GARNL3: variants seen among roughly 807,000 people sequenced by gnomAD.
GARNL3 encodes the protein GTPase-activating Rap/Ran-GAP domain-like protein 3.
GARNL3 carries 63 observed loss-of-function variants against 125.0 expected under a neutral mutation model. The ratio of observed to expected loss-of-function variants is 0.50; its 90% CI spans 0.41 to 0.62. The LOEUF is 0.62. Among genes scored for constraint, GARNL3 ranks in the 20% least tolerant of loss-of-function variants. The pLI, the probability that GARNL3 is intolerant of heterozygous loss-of-function variation, is 0.00. For missense variants in GARNL3, 994 were observed against 1,244.0 expected (o/e 0.80, Z 3.02); for synonymous variants, 439 against 457.5 (o/e 0.96, Z 0.52).
chr9:127,357,211 C>T lies in GARNL3; in HGVS notation c.1936-8C>T. On this transcript the variant is annotated splice_polypyrimidine_tract_variant and splice_region_variant and intron_variant, in intron 20 of 27. Transcript: ENST00000373387. ...CCCCTGTCTCTTGTATCCTCACCAA[C>T]CACACAGGAGATCTGTCTGTCTGAC... 6.2e-7 allele frequency: 1 copy of T among 1,613,980 alleles called. No individual in the cohort carries two copies. The highest frequency in any genetic ancestry group is 8.5e-7 in the Non-Finnish European group (1 of 1,179,880).
intron 22 of GARNL3, among the ~76,000 whole-genome samples, chr9:127,374,476 T>C (rs10819281): frequency 0.51 from 76,995 of 152,004 alleles, 20,205 homozygotes; most frequent in East Asian, 0.73. Context: ...AGATATTGCA[T>C]CAAAAGCATA....
At chr9:127,355,574 T>G (rs901070344) in intron 20 of GARNL3, 102 bp downstream of exon 20, 1 of 1,086,280 alleles carries the variant, frequency 9.2e-7, no homozygotes, top group African/African-American at 1.6e-5. Context: ...TGTCCCACTG[T>G]TTAGTAGCCA....
intron 2 of GARNL3, among the ~76,000 whole-genome samples, chr9:127,248,391 G>A (rs2063339285): frequency 6.6e-6 from 1 of 152,070 alleles, no homozygotes; most frequent in Non-Finnish European, 1.5e-5. Context: ...TTCCCCTGTT[G>A]AAATAGTCCT....
intron 22 of GARNL3, among the ~76,000 whole-genome samples, chr9:127,371,753 A>G (rs1423559096): frequency 6.6e-6 from 1 of 152,250 alleles, no homozygotes; most frequent in Admixed American, 6.5e-5. Flanking sequence ...AATGTGTTAT[A>G]TATTTTGTTA....
At position 127,393,319 on chromosome 9, in the gene GARNL3, T is replaced by G; in HGVS notation, c.*65T>G. 2 of 1,438,310 alleles carry G rather than the reference T, an allele frequency of 1.4e-6. No homozygotes were observed. The highest frequency in any genetic ancestry group is 1.9e-6 in the Non-Finnish European group (2 of 1,046,150). The allele number at this position is 1,438,310 out of a possible 1,614,324, so 89.1% of individuals were successfully genotyped here. ...GAGGTTTATACTCTTTAAACAGTTCTGATGTAATTTCTCAACAAAATGTGG... is the reference window on the plus strand; with the variant it reads ...GAGGTTTATACTCTTTAAACAGTTCGGATGTAATTTCTCAACAAAATGTGG... On this transcript the variant is annotated 3_prime_UTR_variant, in exon 28 of 28. Transcript: ENST00000373387.
chr9:127,282,868 T>C (rs552131784), intron 1 of GARNL3, among the ~76,000 whole-genome samples: 2 of 152,322 alleles, frequency 1.3e-5, no homozygotes, highest in South Asian at 4.1e-4. Flanking sequence ...TTTGTATTAA[T>C]CTAAGAAAGA....
rs1292380673 is a variant in GARNL3, at chr9:127,391,552, A to ATATG, written c.2870+785_2870+786insTATG. Reference sequence around the variant, plus strand: ...AAAAAAAATATATATATATATATATAGGCTGGGTCTGGTGGCATGAGCCTG... The same window carrying ATATG: ...AAAAAAAATATATATATATATATATATATGGGCTGGGTCTGGTGGCATGAGCCTG... On this transcript the variant is annotated intron_variant, in intron 27 of 27. Transcript: ENST00000373387. Among the ~76,000 whole-genome samples, 70 of 129,038 alleles carry ATATG rather than the reference A, an allele frequency of 5.4e-4. 4 individuals carry two copies. Among genetic ancestry groups the ATATG allele is most frequent in the African/African-American group, 1.9e-3 (68 of 35,002 alleles). 84.7% of individuals were successfully genotyped at this position (129,038 alleles called of 152,430 possible). A position where few individuals can be genotyped will look rare whatever the true frequency, so the allele number is the denominator to read the frequency against.
At chr9:127,255,275 T>G (rs1055495460) in intron 2 of GARNL3, among the ~76,000 whole-genome samples, 5 of 152,244 alleles carry the variant, frequency 3.3e-5, no homozygotes, top group Non-Finnish European at 7.3e-5. Flanking sequence ...AGGATATTGA[T>G]GCAGCAGGAT....
At chr9:127,259,263 C>G (rs555152116), upstream of GARNL3, among the ~76,000 whole-genome samples, 2 of 152,314 alleles carry the variant, frequency 1.3e-5, no homozygotes, top group South Asian at 4.1e-4. Context: ...AATCTTTGCT[C>G]TCATCCCAGG....
In GARNL3 at chr9:127,354,278, T is replaced by C. The variant is rs551418996; in HGVS notation, c.1643-16T>C. The stretch of plus-strand genomic sequence containing the variant: ...TTTCCATTTAATCTCCTCCTCTGTC[T>C]TTTTTATGTCACCAGGAAAAGATGC... On this transcript the variant is annotated splice_polypyrimidine_tract_variant and intron_variant, in intron 18 of 27. Transcript: ENST00000373387. 7 of 1,596,704 alleles carry C rather than the reference T, an allele frequency of 4.4e-6. No individual in the cohort carries two copies. In the South Asian group the frequency reaches 7.8e-5, roughly 18 times the overall value.
intron 16 of GARNL3, among the ~76,000 whole-genome samples, chr9:127,345,785 A>C (rs1830104656): frequency 6.6e-6 from 1 of 152,264 alleles, no homozygotes. Flanking sequence ...CACCTTGACC[A>C]AATGCGTGTT....
At chr9:127,388,829 A>G (rs1832683001) in intron 25 of GARNL3, 75 bp from the exon 26 acceptor site, 2 of 917,006 alleles carry the variant, frequency 2.2e-6, no homozygotes, top group Admixed American at 3.5e-5. Flanking sequence ...ATGTTAAGGA[A>G]CAAGAAATTA....
chr9:127,350,765 G>A (rs2131645195), intron 17 of GARNL3, among the ~76,000 whole-genome samples: 1 of 150,938 alleles, frequency 6.6e-6, no homozygotes, highest in African/African-American at 2.4e-5. Flanking sequence ...AACGGAGCAA[G>A]ACTCCATCTC....
At chr9:127,346,324 A>G (rs1830136463) in intron 16 of GARNL3, among the ~76,000 whole-genome samples, 1 of 152,230 alleles carries the variant, frequency 6.6e-6, no homozygotes, top group South Asian at 2.1e-4. Context: ...AATAATTATG[A>G]ATACATTTAC....
intron 13 of GARNL3, among the ~76,000 whole-genome samples, chr9:127,340,972 G>C (rs972404479): frequency 6.6e-6 from 1 of 152,056 alleles, no homozygotes; most frequent in African/African-American, 2.4e-5. Flanking sequence ...TCTTCCATAG[G>C]AAACCCCTCC....
intron 16 of GARNL3, among the ~76,000 whole-genome samples, chr9:127,347,437 A>T (rs1173855372): frequency 6.6e-6 from 1 of 152,088 alleles, no homozygotes; most frequent in African/African-American, 2.4e-5. Flanking sequence ...AAAATTTAAA[A>T]AAAGGTAAAA....
At chr9:127,289,672 A>G (rs1243087948) in intron 1 of GARNL3, among the ~76,000 whole-genome samples, 2 of 152,220 alleles carry the variant, frequency 1.3e-5, no homozygotes, top group African/African-American at 4.8e-5. Flanking sequence ...AGCCCTCACT[A>G]TAAATCAGTG....
In GARNL3 at chr9:127,371,350, GCCTCTGCCTT is replaced by G. The variant is rs550764384; in HGVS notation, c.2161+5998_2161+6007del. ...AGCCAGGACTCCCTTTCCCAAGCCAGCCTCTGCCTTCCTCTGCCTTCCTTCACGTAGGAAA... is the reference window on the plus strand; with the variant it reads ...AGCCAGGACTCCCTTTCCCAAGCCAGCCTCTGCCTTCCTTCACGTAGGAAA... On this transcript the variant is annotated intron_variant, in intron 22 of 27. Transcript: ENST00000373387. Among the ~76,000 whole-genome samples, 29 of 152,314 alleles carry G rather than the reference GCCTCTGCCTT, an allele frequency of 1.9e-4. No homozygotes were observed. The East Asian group carries it at 5.0e-3, about 26-fold the overall frequency.
At chr9:127,349,815 T>C (rs528145718) in intron 17 of GARNL3, among the ~76,000 whole-genome samples, 1 of 152,310 alleles carries the variant, frequency 6.6e-6, no homozygotes, top group East Asian at 1.9e-4. Context: ...CAAAGGGCAT[T>C]TCCTCGGACT....
Sources: gnomAD v4.1 joint callset for allele counts (sites outside exome capture counted in the v4.1 genomes callset) on GRCh38, gnomAD v4.1.1 for gene constraint, MANE v1.5 for transcripts, NCBI Gene and HGNC (gene_info 2026-07-23, HGNC 2026-07-21) for gene names.